Variants in CSMD1 observed in about 807,000 individuals in gnomAD.
CSMD1 encodes CUB and sushi domain-containing protein 1.
A neutral mutation model predicts 417.5 loss-of-function variants in CSMD1; 213 were observed. That is an observed-to-expected ratio of 0.51 (90% CI 0.46 to 0.57). The LOEUF is 0.57. Ranked by LOEUF, CSMD1 falls within the 20% of genes least tolerant of loss-of-function variation. CSMD1 has a pLI of 0.00. For missense variants in CSMD1, 6,923 were observed against 4,529.7 expected, an observed-to-expected ratio of 1.53 and a Z score of -15.17; for synonymous variants, 2,862 against 1,736.8, an observed-to-expected ratio of 1.65 and a Z score of -16.11.
At position 4,957,352 on chromosome 8, in the gene CSMD1, T is replaced by C. The variant is rs556783371; in HGVS notation, c.85+36980A>G. 2.6e-5 allele frequency among the ~76,000 whole-genome samples: 4 copies of C among 152,324 alleles called. No individual in the cohort carries two copies. In the South Asian group the frequency reaches 8.3e-4, roughly 32 times the overall value. ...ATGCGTTGGCAGAGAAGAGCACATTTGGCAGTTTGTGAAAAATTATGTTCA... is the reference window on the plus strand; with the variant it reads ...ATGCGTTGGCAGAGAAGAGCACATTCGGCAGTTTGTGAAAAATTATGTTCA... On this transcript the variant is annotated intron_variant, in intron 1 of 69. Coordinates refer to ENST00000635120, the MANE Select transcript of CSMD1 (RefSeq NM_033225.6).
intron 1 of CSMD1, among the ~76,000 whole-genome samples, chr8:4,834,977 A>AAAAAAG (rs1385745588): frequency 2.8e-4 from 9 of 32,234 alleles, no homozygotes; most frequent in African/African-American, 4.3e-4. Flanking sequence ...AAAAAAAAAA[A>AAAAAAG]AAAGAAAGAA....
At chr8:4,078,978 C>T (rs181846449) in intron 3 of CSMD1, among the ~76,000 whole-genome samples, 3 of 145,592 alleles carry the variant, frequency 2.1e-5, no homozygotes, top group Non-Finnish European at 4.5e-5. Context: ...CACTTTTTCC[C>T]ACAATGTTGC....
chr8:4,302,914 G>C lies in CSMD1; in HGVS notation c.415+117039C>G, dbSNP rs182134099. ...CTGATTCATATTAACTCAAAAGACAGATTTTTTTTTTCTGGAAAATGCTGC... is the reference window on the plus strand; with the variant it reads ...CTGATTCATATTAACTCAAAAGACACATTTTTTTTTTCTGGAAAATGCTGC... On this transcript the variant is annotated intron_variant, in intron 3 of 69. Coordinates refer to ENST00000635120, the MANE Select transcript of CSMD1 (RefSeq NM_033225.6). 4.2e-3 allele frequency among the ~76,000 whole-genome samples: 631 copies of C among 152,032 alleles called. 4 individuals are homozygous for C. The highest frequency in any genetic ancestry group is 0.015 in the African/African-American group (605 of 41,468).
Position 4,073,194 on chromosome 8 carries a change from G to A in CSMD1, c.416-41095C>T, listed in dbSNP as rs140690924. Among the ~76,000 whole-genome samples, 32 of 152,088 alleles carry A rather than the reference G, an allele frequency of 2.1e-4. No individual in the cohort carries two copies. In the East Asian group the frequency reaches 5.6e-3, roughly 27 times the overall value. On this transcript the variant is annotated intron_variant, in intron 3 of 69. Coordinates refer to ENST00000635120, the MANE Select transcript of CSMD1 (RefSeq NM_033225.6). Reference sequence around the variant, plus strand: ...ATCGAGATGAAGCACTTCAAAGAACGCTCACAACAATAACTTGTTTTTAAA... The same window carrying A: ...ATCGAGATGAAGCACTTCAAAGAACACTCACAACAATAACTTGTTTTTAAA...
At chr8:4,600,119 G>A (rs940887128) in intron 2 of CSMD1, among the ~76,000 whole-genome samples, 1 of 152,132 alleles carries the variant, frequency 6.6e-6, no homozygotes, top group Non-Finnish European at 1.5e-5. Context: ...TCGGGCTGAC[G>A]TTCTCAGCAC....
At chr8:3,878,555 A>C (rs750120853) in intron 5 of CSMD1, among the ~76,000 whole-genome samples, 1 of 152,202 alleles carries the variant, frequency 6.6e-6, no homozygotes, top group African/African-American at 2.4e-5. Flanking sequence ...TATAGATAGG[A>C]AGTATAGAAA....
At chr8:4,395,220 T>C (rs969617456) in intron 3 of CSMD1, among the ~76,000 whole-genome samples, 1 of 152,178 alleles carries the variant, frequency 6.6e-6, no homozygotes, top group Non-Finnish European at 1.5e-5. Context: ...ATCTGGCTGG[T>C]TTTCTCCTCC....
chr8:4,608,710 C>A (rs550715115), intron 2 of CSMD1, among the ~76,000 whole-genome samples: 3 of 152,174 alleles, frequency 2.0e-5, no homozygotes. Context: ...ATCCTTCAGG[C>A]ATTTCAGAAG....
At chr8:3,686,327 C>G (rs1036519615) in intron 7 of CSMD1, among the ~76,000 whole-genome samples, 1 of 152,072 alleles carries the variant, frequency 6.6e-6, no homozygotes, top group African/African-American at 2.4e-5. Flanking sequence ...TTTCAGGAAG[C>G]GCCTTCACTT....
intron 5 of CSMD1, among the ~76,000 whole-genome samples, chr8:3,775,305 C>T (rs753906669): frequency 6.6e-6 from 1 of 152,162 alleles, no homozygotes; most frequent in African/African-American, 2.4e-5. Flanking sequence ...GAAGATGAAT[C>T]CAGGAGTGAA....
intron 7 of CSMD1, among the ~76,000 whole-genome samples, chr8:3,703,467 CATT>C (rs1800988749): frequency 6.6e-6 from 1 of 151,600 alleles, no homozygotes; most frequent in Non-Finnish European, 1.5e-5. Context: ...TTCATTCATT[CATT>C]CATTCATTCA....
chr8:3,763,725 T>G (rs978488796), intron 5 of CSMD1, among the ~76,000 whole-genome samples: 2 of 152,136 alleles, frequency 1.3e-5, no homozygotes, highest in Admixed American at 1.3e-4. Context: ...ACCCTGTACC[T>G]TTGTACAGAA....
intron 1 of CSMD1, among the ~76,000 whole-genome samples, chr8:4,751,166 C>T (rs1811301361): frequency 6.6e-6 from 1 of 152,176 alleles, no homozygotes; most frequent in South Asian, 2.1e-4. Context: ...GGGTGGATCA[C>T]CTGAGGTAAG....
intron 3 of CSMD1, among the ~76,000 whole-genome samples, chr8:4,108,061 CAGAGACAGAGACAG>C (rs1801661559): frequency 1.2e-3 from 1 of 820 alleles, no homozygotes; most frequent in Non-Finnish European, 2.5e-3. Context: ...GAGACAGAGA[CAGAGACAGAGACAG>C]AGAGAGAGAC....
At chr8:3,752,662 C>T (rs866380342) in intron 6 of CSMD1, among the ~76,000 whole-genome samples, 1 of 141,290 alleles carries the variant, frequency 7.1e-6, no homozygotes, top group Non-Finnish European at 1.5e-5. Context: ...CACTGCCACC[C>T]ACTCCCCGCC....
At chr8:3,419,248 A>G (rs939433219) in intron 12 of CSMD1, among the ~76,000 whole-genome samples, 2 of 152,198 alleles carry the variant, frequency 1.3e-5, no homozygotes, top group African/African-American at 2.4e-5. Flanking sequence ...CAGGCTTACA[A>G]TCTGCACCAA....
chr8:4,584,569 T>C (rs565552103), intron 2 of CSMD1, among the ~76,000 whole-genome samples: 2 of 152,218 alleles, frequency 1.3e-5, no homozygotes, highest in South Asian at 2.1e-4. Flanking sequence ...CTTCCGCTTT[T>C]CCTGTACTTC....
chr8:4,584,210 G>A (rs190532528), intron 2 of CSMD1, among the ~76,000 whole-genome samples: 1 of 152,030 alleles, frequency 6.6e-6, no homozygotes. Flanking sequence ...CTTGAAGCTA[G>A]TGAGACCAAG....
At chr8:2,974,325 C>G in intron 56 of CSMD1, 126 bp downstream of exon 56, 2 of 899,568 alleles carry the variant, frequency 2.2e-6, no homozygotes, top group East Asian at 2.8e-5. Context: ...AAATGCAATA[C>G]TAATTTCAAA....
Sources: gnomAD v4.1 joint callset for allele counts (sites outside exome capture counted in the v4.1 genomes callset) on GRCh38, gnomAD v4.1.1 for gene constraint, MANE v1.5 for transcripts, NCBI Gene and HGNC (gene_info 2026-07-23, HGNC 2026-07-21) for gene names.